DLG5: variants seen among roughly 807,000 people sequenced by gnomAD.
DLG5 encodes the protein discs large MAGUK scaffold protein 5.
In DLG5, 48 loss-of-function variants were observed where a neutral mutation model predicts 189.8. The observed-to-expected ratio is 0.25, with a 90% CI of 0.20 to 0.32. DLG5 has a LOEUF of 0.32. Ranked by LOEUF, DLG5 falls within the 10% of genes least tolerant of loss-of-function variation. The pLI, the probability that DLG5 is intolerant of heterozygous loss-of-function variation, is 1.00. For missense variants in DLG5, 2,160 were observed against 2,544.7 expected (o/e 0.85, Z 3.25); for synonymous variants, 1,016 against 1,054.1 (o/e 0.96, Z 0.70).
intron 1 of DLG5, among the ~76,000 whole-genome samples, chr10:77,893,803 C>T (rs964888189): frequency 1.3e-5 from 2 of 152,234 alleles, no homozygotes; most frequent in African/African-American, 4.8e-5. Context: ...CTGGAGGAAA[C>T]TGGATCAATG....
At chr10:77,848,803 C>T (rs542760441) in intron 5 of DLG5, among the ~76,000 whole-genome samples, 1 of 151,970 alleles carries the variant, frequency 6.6e-6, no homozygotes. Flanking sequence ...CACATCCATC[C>T]CAATGGTTTA....
chr10:77,811,799 C>T (rs558344574), intron 22 of DLG5, 125 bp downstream of exon 22: 39 of 1,359,426 alleles, frequency 2.9e-5, no homozygotes, highest in Non-Finnish European at 3.5e-5. Context: ...TCAACTCTCT[C>T]TTTAGCAGCA....
At chr10:77,822,155 G>C in intron 14 of DLG5, 54 bp from the exon 15 acceptor site, 53 of 1,554,416 alleles carry the variant, frequency 3.4e-5, no homozygotes, top group African/African-American at 1.4e-5. Context: ...AGGACTTGGA[G>C]CTGCCACTGA....
chr10:77,854,689 T>C (rs191182833), intron 3 of DLG5, among the ~76,000 whole-genome samples: 9 of 152,226 alleles, frequency 5.9e-5, no homozygotes, highest in East Asian at 1.9e-4. Context: ...TGTGATGAAA[T>C]GTCTCTTCTC....
chr10:77,800,112 C>T (rs2154574933), intron 27 of DLG5, among the ~76,000 whole-genome samples: 1 of 152,240 alleles, frequency 6.6e-6, no homozygotes, highest in Non-Finnish European at 1.5e-5. Context: ...ACCAGGGATG[C>T]TATGCAGCAG....
At chr10:77,914,426 A>T (rs1846306166) in intron 1 of DLG5, among the ~76,000 whole-genome samples, 1 of 152,138 alleles carries the variant, frequency 6.6e-6, no homozygotes, top group African/African-American at 2.4e-5. Flanking sequence ...CCCTCACCAA[A>T]GCCCTGGGTG....
In DLG5 at chr10:77,806,718, A is replaced by ACGCC; in HGVS notation, c.4967+39_4967+40insGGCG. The stretch of plus-strand genomic sequence containing the variant: ...GCTCCATGGCTGGTGGCCCTCGGCG[A>ACGCC]CCCCTGCCCCACCCCACCCCAGGCC... On this transcript the variant is annotated intron_variant, in intron 26 of 31. Coordinates refer to ENST00000372391, the MANE Select transcript of DLG5 (RefSeq NM_004747.4). The ACGCC allele has an allele frequency of 1.9e-4, 259 of 1,333,610 alleles. 3 individuals are homozygous for ACGCC. Among genetic ancestry groups the ACGCC allele is most frequent in the Non-Finnish European group, 2.5e-4 (236 of 936,098 alleles). 82.6% of individuals were successfully genotyped at this position (1,333,610 alleles called of 1,614,324 possible). A position where few individuals can be genotyped will look rare whatever the true frequency, so the allele number is the denominator to read the frequency against.
At chr10:77,806,722 C>CA in intron 26 of DLG5, 36 bp downstream of exon 26, 31 of 1,410,558 alleles carry the variant, frequency 2.2e-5, no homozygotes, top group Non-Finnish European at 3.1e-5. Context: ...TCGGCGACCC[C>CA]TGCCCCACCC....
At chr10:77,811,864 G>A in intron 22 of DLG5, 60 bp downstream of exon 22, 1 of 1,532,790 alleles carries the variant, frequency 6.5e-7, no homozygotes, top group Non-Finnish European at 8.7e-7. Flanking sequence ...AATGAGCAGA[G>A]TGCTGCTGCA....
intron 1 of DLG5, among the ~76,000 whole-genome samples, chr10:77,919,575 A>G (rs1846474031): frequency 7.5e-6 from 1 of 133,570 alleles, no homozygotes; most frequent in East Asian, 2.3e-4. Flanking sequence ...ACAGATCTCC[A>G]GTTCAGGGCT....
intron 2 of DLG5, among the ~76,000 whole-genome samples, chr10:77,860,745 A>T (rs1173944625): frequency 6.6e-6 from 1 of 152,252 alleles, no homozygotes; most frequent in Non-Finnish European, 1.5e-5. Flanking sequence ...AGAGCTATGG[A>T]ATATGGAATA....
chr10:77,824,315 A>T, intron 14 of DLG5, 69 bp downstream of exon 14: 1 of 1,202,324 alleles, frequency 8.3e-7, no homozygotes, highest in Non-Finnish European at 1.2e-6. Flanking sequence ...AAGGAGTAGC[A>T]TGGCTATGTG....
chr10:77,840,311 C>G (rs574771931), intron 7 of DLG5, among the ~76,000 whole-genome samples: 1 of 151,782 alleles, frequency 6.6e-6, no homozygotes, highest in Non-Finnish European at 1.5e-5. Flanking sequence ...CCCAAGAGGT[C>G]GAGATTACAG....
At chr10:77,816,917 A>G (rs1479246594) in intron 19 of DLG5, 90 bp downstream of exon 19, 5 of 1,475,894 alleles carry the variant, frequency 3.4e-6, no homozygotes, top group East Asian at 4.5e-5. Context: ...TGAGATGACT[A>G]TGAAGTTCTC....
At chr10:77,833,299 A>G (rs1589178450) in intron 9 of DLG5, among the ~76,000 whole-genome samples, 1 of 152,096 alleles carries the variant, frequency 6.6e-6, no homozygotes, top group African/African-American at 2.4e-5. Context: ...ATGGACGTCC[A>G]AATAACACAA....
rs1193631139 is a variant in DLG5 at position 77,811,238 on chromosome 10, G to A, written c.4323-4C>T. ...ACCGGCAGGGTCCAGGTGTGAGCTG[G>A]AGGCGGAGGACAGGAGGGATAAGGA... On this transcript the variant is annotated splice_polypyrimidine_tract_variant and splice_region_variant and intron_variant, in intron 22 of 31. Transcript: ENST00000372391. 3 of 1,612,364 alleles carry A rather than the reference G, an allele frequency of 1.9e-6. No individual in the cohort carries two copies. The highest frequency in any genetic ancestry group is 1.7e-5 in the Admixed American group (1 of 59,894).
At position 77,912,529 on chromosome 10, in the gene DLG5, C is replaced by T. The variant is rs1402104466; in HGVS notation, c.304+13688G>A. On this transcript the variant is annotated intron_variant, in intron 1 of 31. Coordinates refer to ENST00000372391, the MANE Select transcript of DLG5 (RefSeq NM_004747.4). ...TCCCAAGTAGCTAGGACTACAGGAACATGCCAGCATGCCCACAAGAATAAT... is the reference window on the plus strand; with the variant it reads ...TCCCAAGTAGCTAGGACTACAGGAATATGCCAGCATGCCCACAAGAATAAT... 1.3e-5 allele frequency: 2 copies of T among 151,904 alleles called. 1 individual carries two copies. The highest frequency in any genetic ancestry group is 3.9e-4 in the East Asian group (2 of 5,162). The allele number at this position is 151,904 out of a possible 1,614,324, so 9.4% of individuals were successfully genotyped here.
In DLG5 at chr10:77,881,322, G is replaced by A. The variant is rs1003979074; in HGVS notation, c.305-12125C>T. On this transcript the variant is annotated intron_variant, in intron 1 of 31. Transcript: ENST00000372391. Reference sequence around the variant, plus strand: ...CCCAGTGTCAACACTCAGGGAACAGGAGATACCTAGTAATCACTACTGGCA... The same window carrying A: ...CCCAGTGTCAACACTCAGGGAACAGAAGATACCTAGTAATCACTACTGGCA... Among the ~76,000 whole-genome samples, 3 of 152,138 alleles carry A rather than the reference G, an allele frequency of 2.0e-5. No individual in the cohort carries two copies. In the South Asian group the frequency reaches 6.2e-4, roughly 32 times the overall value.
intron 1 of DLG5, among the ~76,000 whole-genome samples, chr10:77,924,631 T>C (rs1345255418): frequency 2.0e-5 from 3 of 152,212 alleles, no homozygotes; most frequent in Non-Finnish European, 4.4e-5. Flanking sequence ...CCTCTGTCCT[T>C]ATCCTCATGG....
Sources: gnomAD v4.1 joint callset for allele counts (sites outside exome capture counted in the v4.1 genomes callset) on GRCh38, gnomAD v4.1.1 for gene constraint, MANE v1.5 for transcripts, NCBI Gene and HGNC (gene_info 2026-07-23, HGNC 2026-07-21) for gene names.